Variants in NTRK3 observed in about 807,000 individuals in gnomAD.
The protein encoded by NTRK3 is NT-3 growth factor receptor.
In NTRK3, 24 loss-of-function variants were observed where a neutral mutation model predicts 91.7. The observed-to-expected ratio is 0.26, with a 90% CI of 0.19 to 0.37. NTRK3 has a LOEUF of 0.37. Among genes scored for constraint, NTRK3 ranks in the 10% least tolerant of loss-of-function variants. The probability of loss-of-function intolerance (pLI) is 1.00; values close to 1 mark genes in which losing one functional copy is unlikely to be tolerated. For synonymous variants in NTRK3, 483 were observed against 404.0 expected, an observed-to-expected ratio of 1.20 and a Z score of -2.34; for missense variants, 880 against 1,068.9, an observed-to-expected ratio of 0.82 and a Z score of 2.46.
At chr15:88,136,836 C>T (rs957885578) in intron 7 of NTRK3, among the ~76,000 whole-genome samples, 2 of 152,204 alleles carry the variant, frequency 1.3e-5, no homozygotes, top group Non-Finnish European at 2.9e-5. Context: ...TCCCACATTG[C>T]AGCGGCAGGT....
intron 13 of NTRK3, among the ~76,000 whole-genome samples, chr15:88,045,079 T>C (rs1311738864): frequency 1.3e-5 from 2 of 152,126 alleles, no homozygotes; most frequent in African/African-American, 4.8e-5. Context: ...CAGGCCCAGC[T>C]CTCTGTTGAG....
intron 13 of NTRK3, among the ~76,000 whole-genome samples, chr15:88,045,350 C>T (rs1407259689): frequency 6.6e-6 from 1 of 152,162 alleles, no homozygotes; most frequent in Non-Finnish European, 1.5e-5. Context: ...TGGCCCATTT[C>T]CTTACTTATC....
rs181746650 is a variant in NTRK3, at chr15:88,233,834, G to A, written c.248+22072C>T. Among the ~76,000 whole-genome samples, 2 of 151,808 alleles carry A rather than the reference G, an allele frequency of 1.3e-5. No individual in the cohort carries two copies. Among genetic ancestry groups the A allele is most frequent in the East Asian group, 3.9e-4 (2 of 5,174 alleles). ...TCCAAGAGAATCTCTACTCCCTCTGGCCTCCCTAGAACAAAGCCAGAAACA... is the reference window on the plus strand; with the variant it reads ...TCCAAGAGAATCTCTACTCCCTCTGACCTCCCTAGAACAAAGCCAGAAACA... On this transcript the variant is annotated intron_variant, in intron 3 of 18. Transcript: ENST00000394480. The surrounding 1 kb of genome is among the most constrained non-coding windows in gnomAD (Gnocchi z 4.2).
At chr15:88,141,062 A>C (rs1200981026) in intron 6 of NTRK3, among the ~76,000 whole-genome samples, 1 of 152,112 alleles carries the variant, frequency 6.6e-6, no homozygotes, top group Non-Finnish European at 1.5e-5. Flanking sequence ...GAACCAGCAG[A>C]AAGGAAGAGA....
intron 5 of NTRK3, among the ~76,000 whole-genome samples, chr15:88,161,376 G>A (rs969799587): frequency 6.6e-6 from 1 of 152,116 alleles, no homozygotes; most frequent in African/African-American, 2.4e-5. Flanking sequence ...CTACCTGCTA[G>A]CATTAGCAGG....
At chr15:88,085,310 C>T (rs1031024762) in intron 13 of NTRK3, among the ~76,000 whole-genome samples, 3 of 152,174 alleles carry the variant, frequency 2.0e-5, no homozygotes, top group African/African-American at 7.2e-5. Context: ...CATGTCTCTG[C>T]CCCACTGACT....
At chr15:88,248,420 A>G (rs968558929) in intron 3 of NTRK3, among the ~76,000 whole-genome samples, 2 of 152,188 alleles carry the variant, frequency 1.3e-5, no homozygotes, top group South Asian at 4.1e-4. Context: ...AGCCAGGGTA[A>G]CTCCCACCCA....
intron 3 of NTRK3, among the ~76,000 whole-genome samples, chr15:88,244,985 G>A (rs555447900): frequency 6.6e-6 from 1 of 152,340 alleles, no homozygotes; most frequent in East Asian, 1.9e-4. Context: ...GGGAAGGCAG[G>A]TAGTTAAAGG....
chr15:88,214,335 A>G (rs1284178115), intron 3 of NTRK3, among the ~76,000 whole-genome samples: 1 of 152,030 alleles, frequency 6.6e-6, no homozygotes, highest in African/African-American at 2.4e-5. Context: ...AATCCTTAAC[A>G]TTCCTTGGCT....
chr15:87,909,866 A>G (rs2066986102), intron 17 of NTRK3, among the ~76,000 whole-genome samples: 1 of 152,216 alleles, frequency 6.6e-6, no homozygotes, highest in Admixed American at 6.5e-5. Flanking sequence ...ACAAAGAGCG[A>G]GGCCTCTGAA....
At chr15:88,079,990 G>T (rs1364222238) in intron 13 of NTRK3, among the ~76,000 whole-genome samples, 1 of 151,908 alleles carries the variant, frequency 6.6e-6, no homozygotes, top group Admixed American at 6.6e-5. Context: ...CTTTTTCTAT[G>T]TAACAAATAC....
intron 3 of NTRK3, among the ~76,000 whole-genome samples, chr15:88,246,349 A>G (rs999308744): frequency 2.0e-5 from 3 of 152,216 alleles, no homozygotes; most frequent in Non-Finnish European, 2.9e-5. Context: ...GCAGAGGTTA[A>G]GAGAAGGCGC....
intron 13 of NTRK3, among the ~76,000 whole-genome samples, chr15:88,110,995 A>G (rs2051281915): frequency 6.6e-6 from 1 of 152,204 alleles, no homozygotes; most frequent in Non-Finnish European, 1.5e-5. Flanking sequence ...TCACAAAGAC[A>G]AGACTGGGCT....
chr15:87,983,295 G>A (rs1222352737), intron 14 of NTRK3, among the ~76,000 whole-genome samples: 1 of 152,204 alleles, frequency 6.6e-6, no homozygotes, highest in African/African-American at 2.4e-5. Flanking sequence ...AGAAGGCAAT[G>A]CAGTGGGAAG....
At chr15:88,119,032 C>T (rs547213976) in intron 13 of NTRK3, among the ~76,000 whole-genome samples, 56 of 152,320 alleles carry the variant, frequency 3.7e-4, no homozygotes, top group African/African-American at 1.2e-3. Context: ...TTTGCATCAG[C>T]CTCTATTTCA....
rs143023323 is a variant in NTRK3, at chr15:87,960,491, CT to C, written c.1586-19739del. ...CTACAGAATAAAGCTTCCCCCCATC[CT>C]TTTTTTTTTTGAGGCAGAGTTTCGC... is the stretch of plus-strand genomic sequence containing the variant. On this transcript the variant is annotated intron_variant, in intron 14 of 18. Transcript: ENST00000394480. 1.0e-3 allele frequency among the ~76,000 whole-genome samples: 153 copies of C among 146,062 alleles called. 1 individual carries two copies. In the South Asian group the frequency reaches 0.011, roughly 10 times the overall value.
chr15:88,110,505 G>A (rs2051222089), intron 13 of NTRK3, among the ~76,000 whole-genome samples: 1 of 152,178 alleles, frequency 6.6e-6, no homozygotes, highest in Non-Finnish European at 1.5e-5. Flanking sequence ...AGGAGCTCCA[G>A]GTCCAGCCCT....
At chr15:87,940,257 C>T (rs1262994753) in intron 15 of NTRK3, among the ~76,000 whole-genome samples, 1 of 152,174 alleles carries the variant, frequency 6.6e-6, no homozygotes, top group Non-Finnish European at 1.5e-5. Flanking sequence ...TGAGAAATGG[C>T]CATGTGACTT....
chr15:88,225,112 C>T (rs190019356), intron 3 of NTRK3, among the ~76,000 whole-genome samples: 4 of 152,176 alleles, frequency 2.6e-5, no homozygotes, highest in South Asian at 4.1e-4. Context: ...TGGTGGGTAG[C>T]GGAGTGTACC....
Sources: allele counts gnomAD v4.1 joint callset (sites outside exome capture counted in the v4.1 genomes callset), GRCh38; gene constraint gnomAD v4.1.1; non-coding constraint Gnocchi (gnomAD v3.1); transcripts MANE v1.5; gene names NCBI Gene and HGNC (gene_info 2026-07-23, HGNC 2026-07-21).